The following LYPD4 variants were observed in gnomAD, a reference collection of about 807,000 sequenced individuals.
LYPD4 encodes LY6/PLAUR domain containing 4, also known as ly6/PLAUR domain-containing protein 4.
LYPD4 carries 20 observed loss-of-function variants against 18.2 expected under a neutral mutation model. The ratio of observed to expected loss-of-function variants is 1.10; its 90% CI spans 0.77 to 1.59. The LOEUF is 1.59. Ranked by LOEUF, LYPD4 falls within the 40% of genes most tolerant of loss-of-function variation. The pLI, the probability that LYPD4 is intolerant of heterozygous loss-of-function variation, is 0.00. For synonymous variants in LYPD4, 111 were observed against 118.3 expected (o/e 0.94, Z 0.40); for missense variants, 278 against 300.3 (o/e 0.93, Z 0.55).
Position 41,839,013 on chromosome 19 carries a change from G to C in LYPD4, c.79C>G (p.Leu27Val). The change falls in exon 3 of 5, where the codon CTT (leucine) becomes GTT (valine). Residue 27 changes from leucine to valine, a missense_variant. Leu to Val is a conservative substitution (Grantham distance 32). Transcript: ENST00000609812. The part of the protein sequence containing the change: ...AISTLPRAGA[L>V]LCYEATASRF... ...GAGGCTGTTGCTTCATAGCACAAAA[G>C]AGCTCCAGCCCCTAAAAAGAGAATG... is the stretch of plus-strand genomic sequence containing the variant. The C allele has an allele frequency of 6.2e-7, 1 of 1,613,530 alleles. No homozygotes were observed. The highest frequency in any genetic ancestry group is 8.5e-7 in the Non-Finnish European group (1 of 1,179,978).
chr19:41,837,370 A>G (rs782202939), intron 4 of LYPD4, 25 bp from the exon 5 acceptor site: 3 of 1,613,332 alleles, frequency 1.9e-6, no homozygotes, highest in Non-Finnish European at 2.5e-6. Flanking sequence ...GGGAGAAGTC[A>G]GGAACACTTT....
At chr19:41,836,686 A>C (rs1555830400), downstream of LYPD4, among the ~76,000 whole-genome samples, 2 of 151,786 alleles carry the variant, frequency 1.3e-5, no homozygotes, top group African/African-American at 4.8e-5. Flanking sequence ...ACTTGAGGCC[A>C]AAGATTCGAG....
intron 1 of LYPD4, among the ~76,000 whole-genome samples, chr19:41,843,042 A>T (rs2073671861): frequency 3.1e-5 from 1 of 32,224 alleles, no homozygotes; most frequent in African/African-American, 1.1e-4. Flanking sequence ...TAAAAAAAAA[A>T]AAAAAAAAAA....
Position 41,838,545 on chromosome 19 carries a change from C to T in LYPD4, c.212-284G>A, listed in dbSNP as rs2123093287. On this transcript the variant is annotated intron_variant, in intron 3 of 4. Coordinates refer to ENST00000609812, the MANE Select transcript of LYPD4 (RefSeq NM_173506.7). Reference sequence around the variant, plus strand: ...CTCCATTCTACCCACTTACCCAGCCCACAACACAACCAGTGGGGCCCTGCC... The same window carrying T: ...CTCCATTCTACCCACTTACCCAGCCTACAACACAACCAGTGGGGCCCTGCC... Among the ~76,000 whole-genome samples the T allele has an allele frequency of 1.3e-5, 2 of 152,212 alleles. 1 individual carries two copies. The highest frequency in any genetic ancestry group is 3.9e-4 in the East Asian group (2 of 5,162).
intron 4 of LYPD4, 89 bp from the exon 5 acceptor site, chr19:41,837,434 C>T (rs1158919727): frequency 5.5e-6 from 8 of 1,447,572 alleles, no homozygotes; most frequent in Admixed American, 3.5e-5. Flanking sequence ...ACCTGTAATC[C>T]CAGCACTTTG....
At chr19:41,841,665 CAAAAAA>C (rs587607752) in intron 1 of LYPD4, among the ~76,000 whole-genome samples, 1 of 85,572 alleles carries the variant, frequency 1.2e-5, no homozygotes, top group Non-Finnish European at 2.3e-5. Context: ...GACCCTGTCT[CAAAAAA>C]AAAAAAAAAA....
At position 41,838,106 on chromosome 19, in the gene LYPD4, G is replaced by T; in HGVS notation, c.367C>A (p.Pro123Thr). 1 of 1,614,104 alleles carries T rather than the reference G, an allele frequency of 6.2e-7. No individual in the cohort carries two copies. Among genetic ancestry groups the T allele is most frequent in the East Asian group, 2.2e-5 (1 of 44,880 alleles). ...GTGCTGGCCTTGAGTTTCACAAAAGGCTCCAAATTGGTGAGGTTGTTGCAG... is the reference window on the plus strand; with the variant it reads ...GTGCTGGCCTTGAGTTTCACAAAAGTCTCCAAATTGGTGAGGTTGTTGCAG... ...YLCNNLTNLE[P>T]FVKLKASTPK... Residue 123 changes from proline (P) to threonine (T), a missense_variant, in exon 4 of 5, where the codon CCT becomes ACT. Transcript: ENST00000609812.
chr19:41,836,705 G>A (rs1034234058), downstream of LYPD4, among the ~76,000 whole-genome samples: 47 of 151,052 alleles, frequency 3.1e-4, no homozygotes, highest in Non-Finnish European at 3.5e-4. Context: ...AGACCAGACC[G>A]GGCAACATAG....
intron 3 of LYPD4, 48 bp from the exon 4 acceptor site, chr19:41,838,309 AC>A (rs782294992): frequency 2.1e-6 from 3 of 1,440,252 alleles, no homozygotes; most frequent in Non-Finnish European, 2.7e-6. Flanking sequence ...CACTGGCCTC[AC>A]CCAGAGTCCT....
rs957390757 is a variant in LYPD4, at chr19:41,842,594, C to T, written c.-121+984G>A. ...TCAACATGGCAAAATCCTGACTCTACTAAAAATACAAAAATTAGTCGAGTG... is the reference window on the plus strand; with the variant it reads ...TCAACATGGCAAAATCCTGACTCTATTAAAAATACAAAAATTAGTCGAGTG... On this transcript the variant is annotated intron_variant, in intron 1 of 4. Transcript: ENST00000609812. 2.0e-5 allele frequency among the ~76,000 whole-genome samples: 3 copies of T among 150,954 alleles called. No individual in the cohort carries two copies. The South Asian group carries it at 6.3e-4, about 32-fold the overall frequency.
rs573085653 is a variant in LYPD4 at position 41,838,244 on chromosome 19, C to A, written c.229G>T (p.Val77Leu). 12 of 1,533,756 alleles carry A rather than the reference C, an allele frequency of 7.8e-6. No individual in the cohort carries two copies. The highest frequency in any genetic ancestry group is 1.4e-5 in the African/African-American group (1 of 72,290). Residue 77 changes from valine to leucine, a missense_variant, in exon 4 of 5, where the codon GTG becomes TTG. Transcript: ENST00000609812. ...FIETGTARGV[V>L]GFKGCSSSSS... ...GACGAGCTGCAGCCTTTAAAGCCCACGACTCCCCTTGCAGTCCCTGAGGAG... is the reference window on the plus strand; with the variant it reads ...GACGAGCTGCAGCCTTTAAAGCCCAAGACTCCCCTTGCAGTCCCTGAGGAG...
chr19:41,837,497 T>A, intron 4 of LYPD4, 152 bp from the exon 5 acceptor site: 1 of 800,886 alleles, frequency 1.2e-6, no homozygotes. Flanking sequence ...AGTTTGAGAC[T>A]AGCCTGGCCA....
Position 41,838,920 on chromosome 19 carries a change from G to T in LYPD4, c.172C>A (p.Gln58Lys). The stretch of plus-strand genomic sequence containing the variant: ...ACTAGCGTCTCCTCGCAGCCCTCTT[G>T]CAGCTTACACACCATGTTCCTCATC... Reference protein sequence around the residue: ...LLMRNMVCKLQEGCEETLVFI... With the variant: ...LLMRNMVCKLKEGCEETLVFI... Residue 58 changes from glutamine (Q) to lysine (K), a missense_variant, in exon 3 of 5, where the codon CAA (glutamine) becomes AAA (lysine). By Grantham distance (53) the Gln-to-Lys change is moderately conservative. Coordinates refer to ENST00000609812, the MANE Select transcript of LYPD4 (RefSeq NM_173506.7). 6.2e-7 allele frequency: 1 copy of T among 1,613,886 alleles called. No homozygotes were observed. Among genetic ancestry groups the T allele is most frequent in the Non-Finnish European group, 8.5e-7 (1 of 1,179,990 alleles).
intron 1 of LYPD4, among the ~76,000 whole-genome samples, chr19:41,841,978 C>T (rs2073610062): frequency 6.6e-6 from 1 of 152,188 alleles, no homozygotes; most frequent in Non-Finnish European, 1.5e-5. Context: ...TTTATAAATA[C>T]CCATTTCCAG....
At position 41,843,070 on chromosome 19, in the gene LYPD4, AAAAAAAAC is replaced by A. The variant is rs2073689485; in HGVS notation, c.-121+500_-121+507del. Among the ~76,000 whole-genome samples, 2 of 40,424 alleles carry A rather than the reference AAAAAAAAC, an allele frequency of 4.9e-5. 1 individual carries two copies. The highest frequency in any genetic ancestry group is 1.7e-4 in the African/African-American group (2 of 11,474). 26.5% of individuals were successfully genotyped at this position (40,424 alleles called of 152,430 possible). A position where few individuals can be genotyped will look rare whatever the true frequency, so the allele number is the denominator to read the frequency against. ...AAAAAAAAAAAAAAAAAAAAAAAAA[AAAAAAAAC>A]CCCAACAACAACACTACACACATCC... On this transcript the variant is annotated intron_variant, in intron 1 of 4. Coordinates refer to ENST00000609812, the MANE Select transcript of LYPD4 (RefSeq NM_173506.7).
Position 41,844,413 on chromosome 19 carries a change from G to C in LYPD4, c.-956C>G, listed in dbSNP as rs1339896103. 6.6e-6 allele frequency: 1 copy of C among 152,218 alleles called. No individual in the cohort carries two copies. Among genetic ancestry groups the C allele is most frequent in the Non-Finnish European group, 1.5e-5 (1 of 68,098 alleles). 9.4% of individuals were successfully genotyped at this position (152,218 alleles called of 1,614,324 possible). On this transcript the variant is annotated 5_prime_UTR_variant, in exon 1 of 5. The change creates a new upstream start codon in the 5' untranslated region. Coordinates refer to ENST00000609812, the MANE Select transcript of LYPD4 (RefSeq NM_173506.7). ...CGTCCGAGAGAAAAGGAAAATCAGA[G>C]ATTAGGAAAATCACAACCGACACAA...
Position 41,839,091 on chromosome 19 carries a change from C to T in LYPD4, c.68-67G>A, listed in dbSNP as rs1326910629. The stretch of plus-strand genomic sequence containing the variant: ...ATCTTCTGAGCCCGTTAACTGCCAA[C>T]CAAGAGTTCAGCCCCCACAGGTCCT... On this transcript the variant is annotated intron_variant, in intron 2 of 4. Transcript: ENST00000609812. 7 of 1,609,176 alleles carry T rather than the reference C, an allele frequency of 4.4e-6. No individual in the cohort carries two copies. In the African/African-American group the frequency reaches 9.4e-5, roughly 22 times the overall value.
downstream of LYPD4, chr19:41,836,981 G>C (rs1354700473): frequency 7.4e-7 from 1 of 1,353,278 alleles, no homozygotes; most frequent in East Asian, 2.5e-5. Flanking sequence ...ACTTTGCCAG[G>C]CTCCTCTTCC....
chr19:41,842,760 T>C (rs1555833867), intron 1 of LYPD4, among the ~76,000 whole-genome samples: 1 of 7,740 alleles, frequency 1.3e-4, no homozygotes, highest in African/African-American at 4.7e-4. Flanking sequence ...AAACTCCGTC[T>C]AAACAAAAAA....
Sources: allele counts gnomAD v4.1 joint callset (sites outside exome capture counted in the v4.1 genomes callset), GRCh38; gene constraint gnomAD v4.1.1; transcripts MANE v1.5; gene names NCBI Gene and HGNC (gene_info 2026-07-23, HGNC 2026-07-21).